The following KCNMB2 variants were observed in gnomAD, a reference collection of about 807,000 sequenced individuals.
KCNMB2 encodes the protein potassium calcium-activated channel subfamily M regulatory beta subunit 2.
KCNMB2 carries 9 observed loss-of-function variants against 24.5 expected under a neutral mutation model. The ratio of observed to expected loss-of-function variants is 0.37; its 90% CI spans 0.22 to 0.64. KCNMB2 has a LOEUF of 0.64. Ranked by LOEUF, KCNMB2 falls within the 30% of genes least tolerant of loss-of-function variation. The probability of loss-of-function intolerance (pLI) is 0.63; values close to 1 mark genes in which losing one functional copy is unlikely to be tolerated. For synonymous variants in KCNMB2, 109 were observed against 104.4 expected (o/e 1.04, Z -0.27); for missense variants, 226 against 284.3 (o/e 0.79, Z 1.47).
chr3:178,765,581 C>T (rs1209171525), intron 1 of KCNMB2, among the ~76,000 whole-genome samples: 1 of 150,504 alleles, frequency 6.6e-6, no homozygotes, highest in Non-Finnish European at 1.5e-5. Flanking sequence ...CAGCAAATGC[C>T]TAAGCTGGGC....
At chr3:178,565,261 C>T (rs966527533) in intron 1 of KCNMB2, among the ~76,000 whole-genome samples, 3 of 152,068 alleles carry the variant, frequency 2.0e-5, no homozygotes, top group African/African-American at 7.2e-5. Flanking sequence ...AGAAAAGTAC[C>T]ATTCCATTAA....
At chr3:178,579,686 GA>G (rs1420820645) in intron 1 of KCNMB2, among the ~76,000 whole-genome samples, 1 of 152,166 alleles carries the variant, frequency 6.6e-6, no homozygotes, top group Admixed American at 6.5e-5. Context: ...TGATAAAGGG[GA>G]TATCACCTCT....
intron 1 of KCNMB2, among the ~76,000 whole-genome samples, chr3:178,758,345 GATATAT>G (rs1214797017): frequency 3.5e-4 from 3 of 8,678 alleles, no homozygotes; most frequent in Non-Finnish European, 5.0e-4. Context: ...TCCAAGAGGG[GATATAT>G]ATATATATAT....
chr3:178,754,189 CACAT>C (rs1723949259), intron 1 of KCNMB2, among the ~76,000 whole-genome samples: 1 of 81,462 alleles, frequency 1.2e-5, no homozygotes, highest in Non-Finnish European at 2.3e-5. Flanking sequence ...CACACACACA[CACAT>C]ACATATATAT....
chr3:178,607,573 G>A (rs1245614762), intron 1 of KCNMB2, among the ~76,000 whole-genome samples: 1 of 151,970 alleles, frequency 6.6e-6, no homozygotes, highest in Non-Finnish European at 1.5e-5. Context: ...AGTGATCAAA[G>A]TAAATGCAAT....
intron 1 of KCNMB2, among the ~76,000 whole-genome samples, chr3:178,660,946 A>G (rs1244662681): frequency 6.6e-6 from 1 of 151,948 alleles, no homozygotes; most frequent in Admixed American, 6.6e-5. Context: ...CCCCTTCATG[A>G]TGTTACAAAC....
chr3:178,569,005 C>A (rs1397853833), intron 1 of KCNMB2, among the ~76,000 whole-genome samples: 1 of 152,090 alleles, frequency 6.6e-6, no homozygotes, highest in Non-Finnish European at 1.5e-5. Flanking sequence ...CAAATACATC[C>A]AACCAAATAT....
intron 2 of KCNMB2, among the ~76,000 whole-genome samples, chr3:178,824,258 T>C (rs1714743936): frequency 6.6e-6 from 1 of 152,228 alleles, no homozygotes; most frequent in Non-Finnish European, 1.5e-5. Context: ...CCATTAAAAA[T>C]TCTCTGTAGA....
intron 1 of KCNMB2, among the ~76,000 whole-genome samples, chr3:178,549,322 T>G (rs924377077): frequency 6.7e-6 from 1 of 149,884 alleles, no homozygotes; most frequent in Non-Finnish European, 1.5e-5. Flanking sequence ...TTTTTTTTTT[T>G]TTTCTTGAGA....
Position 178,758,561 on chromosome 3 carries a change from G to GATATATAT in KCNMB2, c.-67-48765_-67-48758dup, listed in dbSNP as rs754815380. Among the ~76,000 whole-genome samples the GATATATAT allele has an allele frequency of 2.5e-3, 43 of 16,974 alleles. 2 individuals are homozygous for GATATATAT. Among genetic ancestry groups the GATATATAT allele is most frequent in the South Asian group, 4.5e-3 (2 of 440 alleles). The allele number at this position is 16,974 out of a possible 152,430, so 11.1% of individuals were successfully genotyped here. On this transcript the variant is annotated intron_variant, in intron 1 of 4. Transcript: ENST00000452583. The stretch of plus-strand genomic sequence containing the variant: ...ATATATATATATATATCCAAGAGGA[G>GATATATAT]ATATATATATATATATATATATATC...
intron 1 of KCNMB2, among the ~76,000 whole-genome samples, chr3:178,716,731 A>C (rs747179223): frequency 3.3e-5 from 5 of 152,154 alleles, no homozygotes; most frequent in Non-Finnish European, 5.9e-5. Flanking sequence ...GCATGATCCC[A>C]AAACCTGCAT....
intron 1 of KCNMB2, among the ~76,000 whole-genome samples, chr3:178,639,353 A>G (rs1719640090): frequency 6.6e-6 from 1 of 152,144 alleles, no homozygotes; most frequent in Non-Finnish European, 1.5e-5. Context: ...ACAGAAAGAG[A>G]ATCAAAGTAA....
chr3:178,702,313 A>C (rs578026671), intron 1 of KCNMB2, among the ~76,000 whole-genome samples: 85 of 149,614 alleles, frequency 5.7e-4, no homozygotes, highest in African/African-American at 1.9e-3. Context: ...GGATAGCGTT[A>C]GGAGATATAC....
chr3:178,643,118 C>T (rs1461142834), intron 1 of KCNMB2, among the ~76,000 whole-genome samples: 2 of 152,120 alleles, frequency 1.3e-5, no homozygotes, highest in Non-Finnish European at 2.9e-5. Context: ...CCTGGATGAA[C>T]CTCAAGGAAA....
chr3:178,764,126 T>C (rs1398259355), intron 1 of KCNMB2, among the ~76,000 whole-genome samples: 2 of 152,196 alleles, frequency 1.3e-5, no homozygotes, highest in Non-Finnish European at 2.9e-5. Context: ...CATTTACAAT[T>C]TTGTCAAACA....
At chr3:178,619,304 T>A (rs1424350399) in intron 1 of KCNMB2, among the ~76,000 whole-genome samples, 4 of 152,146 alleles carry the variant, frequency 2.6e-5, no homozygotes, top group Non-Finnish European at 5.9e-5. Context: ...AGAAGTCACA[T>A]GGAAATTGAA....
chr3:178,603,198 G>T (rs1486296483), intron 1 of KCNMB2, among the ~76,000 whole-genome samples: 1 of 152,132 alleles, frequency 6.6e-6, no homozygotes, highest in East Asian at 1.9e-4. Flanking sequence ...GGTCCTGAGG[G>T]TGGTGCTTAT....
chr3:178,631,830 G>T (rs889783686), intron 1 of KCNMB2, among the ~76,000 whole-genome samples: 1 of 152,232 alleles, frequency 6.6e-6, no homozygotes, highest in South Asian at 2.1e-4. Context: ...AGCCACAGAA[G>T]CATACCTAGC....
At chr3:178,586,679 G>C (rs920328618) in intron 1 of KCNMB2, among the ~76,000 whole-genome samples, 3 of 150,162 alleles carry the variant, frequency 2.0e-5, no homozygotes, top group Non-Finnish European at 1.5e-5. Context: ...TGAGTAGTTG[G>C]GATTACAGGC....
Sources: gnomAD v4.1 joint callset for allele counts (sites outside exome capture counted in the v4.1 genomes callset) on GRCh38, gnomAD v4.1.1 for gene constraint, MANE v1.5 for transcripts, NCBI Gene and HGNC (gene_info 2026-07-23, HGNC 2026-07-21) for gene names.